Variants in SPIN1 observed in about 807,000 individuals in gnomAD.
The protein encoded by SPIN1 is spindlin 1.
In SPIN1, 3 loss-of-function variants were observed where a neutral mutation model predicts 26.0. The ratio of observed to expected loss-of-function variants is 0.12; its 90% CI spans 0.05 to 0.30. The LOEUF (loss-of-function observed/expected upper bound fraction) is 0.30, where lower values mean the gene tolerates loss of function less well. Among genes scored for constraint, SPIN1 ranks in the 10% least tolerant of loss-of-function variants. The pLI is 1.00. For missense variants in SPIN1, 126 were observed against 333.4 expected (o/e 0.38, Z 4.84); for synonymous variants, 101 against 116.5 (o/e 0.87, Z 0.86).
chr9:88,443,130 A>C (rs923478385), intron 2 of SPIN1, among the ~76,000 whole-genome samples: 5 of 151,766 alleles, frequency 3.3e-5, no homozygotes, highest in Admixed American at 6.6e-5. Context: ...AAAAAAAAAA[A>C]AAAACAAAAA....
At chr9:88,448,518 G>C (rs1828296803) in intron 2 of SPIN1, among the ~76,000 whole-genome samples, 1 of 147,680 alleles carries the variant, frequency 6.8e-6, no homozygotes, top group Admixed American at 6.6e-5. Context: ...CACTTGGCTT[G>C]TTGTTTTTTT....
In SPIN1 at chr9:88,396,238, CA is replaced by C. The variant is rs879468835; in HGVS notation, c.-159+7713del. ...TGGGTGACAGAGTGAGACTCCATCT[CA>C]AAAAAAAAAAAATTACATTTTTAAA... On this transcript the variant is annotated intron_variant, in intron 1 of 5. Transcript: ENST00000375859. 8.5e-3 allele frequency among the ~76,000 whole-genome samples: 1,193 copies of C among 139,654 alleles called. 13 individuals are homozygous for C. Among genetic ancestry groups the C allele is most frequent in the Non-Finnish European group, 0.012 (756 of 63,980 alleles). The allele number at this position is 139,654 out of a possible 152,430, so 91.6% of individuals were successfully genotyped here. A position where few individuals can be genotyped will look rare whatever the true frequency, so the allele number is the denominator to read the frequency against.
intron 1 of SPIN1, chr9:88,410,897 G>C: frequency 1.0e-6 from 1 of 981,582 alleles, no homozygotes; most frequent in Non-Finnish European, 1.6e-6. Flanking sequence ...GCTGGATGAA[G>C]CACTAGCCAT....
chr9:88,427,540 T>G (rs1827786688), intron 2 of SPIN1, among the ~76,000 whole-genome samples: 1 of 152,198 alleles, frequency 6.6e-6, no homozygotes, highest in South Asian at 2.1e-4. Flanking sequence ...GGCACATTTC[T>G]TAGTCCTCTT....
At chr9:88,404,641 C>T (rs971308084) in intron 1 of SPIN1, among the ~76,000 whole-genome samples, 1 of 151,964 alleles carries the variant, frequency 6.6e-6, no homozygotes, top group Non-Finnish European at 1.5e-5. Context: ...CTTGGCCAGG[C>T]GCAGTGGTTC....
At chr9:88,428,267 T>C (rs1041718835) in intron 2 of SPIN1, among the ~76,000 whole-genome samples, 2 of 152,202 alleles carry the variant, frequency 1.3e-5, no homozygotes, top group African/African-American at 4.8e-5. Flanking sequence ...TGGGTTTCTA[T>C]TGATGCTGTC....
intron 3 of SPIN1, among the ~76,000 whole-genome samples, chr9:88,451,827 C>T (rs1270804640): frequency 2.0e-5 from 3 of 152,188 alleles, no homozygotes; most frequent in Non-Finnish European, 4.4e-5. Context: ...TCCCAAAGTG[C>T]TGGGATTATA....
chr9:88,411,157 T>A, intron 1 of SPIN1: 1 of 1,470,038 alleles, frequency 6.8e-7, no homozygotes, highest in Non-Finnish European at 9.4e-7. Context: ...TTTTCACAGT[T>A]AAGTGGGCAC....
chr9:88,400,663 T>G (rs989606305), intron 1 of SPIN1, among the ~76,000 whole-genome samples: 2 of 152,122 alleles, frequency 1.3e-5, no homozygotes, highest in Non-Finnish European at 2.9e-5. Flanking sequence ...CTGGCCAACA[T>G]GGCGATACCT....
chr9:88,400,139 C>G (rs1331844269), intron 1 of SPIN1, among the ~76,000 whole-genome samples: 1 of 152,190 alleles, frequency 6.6e-6, no homozygotes, highest in Non-Finnish European at 1.5e-5. Flanking sequence ...ACGGTACTGT[C>G]TTCCTCAGAA....
chr9:88,431,278 CT>C (rs1827864576), intron 2 of SPIN1, among the ~76,000 whole-genome samples: 1 of 150,386 alleles, frequency 6.6e-6, no homozygotes, highest in Admixed American at 6.6e-5. Context: ...AAATATTTCT[CT>C]CTCTCTCTCT....
intron 2 of SPIN1, among the ~76,000 whole-genome samples, chr9:88,442,468 AT>A (rs1331994650): frequency 1.3e-5 from 2 of 149,112 alleles, no homozygotes; most frequent in Non-Finnish European, 3.0e-5. Context: ...CAGTGGCCTG[AT>A]TTCAGCTCAC....
At chr9:88,413,291 C>CA (rs1328507401) in intron 1 of SPIN1, among the ~76,000 whole-genome samples, 3 of 151,778 alleles carry the variant, frequency 2.0e-5, no homozygotes, top group Non-Finnish European at 4.4e-5. Context: ...CTCCTGACAT[C>CA]AGGTGATCTG....
chr9:88,417,188 G>A (rs1827584023), intron 1 of SPIN1, among the ~76,000 whole-genome samples: 2 of 152,074 alleles, frequency 1.3e-5, no homozygotes, highest in South Asian at 4.1e-4. Flanking sequence ...TTAGCTATAT[G>A]TTTTTTTCGT....
chr9:88,390,856 T>G (rs7855707), intron 1 of SPIN1, among the ~76,000 whole-genome samples: 3 of 152,026 alleles, frequency 2.0e-5, no homozygotes, highest in Non-Finnish European at 4.4e-5. Flanking sequence ...TAAAAAAAGT[T>G]TTTTTTTAAA....
At chr9:88,420,342 T>C (rs527260921) in intron 1 of SPIN1, among the ~76,000 whole-genome samples, 1 of 152,294 alleles carries the variant, frequency 6.6e-6, no homozygotes, top group South Asian at 2.1e-4. Context: ...GCCATTGCAC[T>C]TCCAGCCTGA....
At chr9:88,442,500 T>G (rs545523196) in intron 2 of SPIN1, among the ~76,000 whole-genome samples, 1 of 151,726 alleles carries the variant, frequency 6.6e-6, no homozygotes, top group African/African-American at 2.4e-5. Context: ...GCCTCCCTGG[T>G]TCAAGCATTT....
intron 2 of SPIN1, among the ~76,000 whole-genome samples, chr9:88,437,227 G>T (rs1828021155): frequency 6.6e-6 from 1 of 152,062 alleles, no homozygotes; most frequent in African/African-American, 2.4e-5. Context: ...GCCGGGGGTG[G>T]TGGCTCACAC....
In SPIN1 at chr9:88,433,734, G is replaced by A. The variant is rs181916697; in HGVS notation, c.52+7143G>A. Among the ~76,000 whole-genome samples, 391 of 152,264 alleles carry A rather than the reference G, an allele frequency of 2.6e-3. 10 individuals are homozygous for A. The highest frequency in any genetic ancestry group is 0.024 in the Admixed American group (373 of 15,302). On this transcript the variant is annotated intron_variant, in intron 2 of 5. Coordinates refer to ENST00000375859, the MANE Select transcript of SPIN1 (RefSeq NM_006717.3). ...GCTGCATCCCCAGACAAGACTGTCT[G>A]TCATACCAAGCTGAGCTTATAAAAT...
Sources: allele counts gnomAD v4.1 joint callset (sites outside exome capture counted in the v4.1 genomes callset), GRCh38; gene constraint gnomAD v4.1.1; transcripts MANE v1.5; gene names NCBI Gene and HGNC (gene_info 2026-07-23, HGNC 2026-07-21).